NKX1-1: variants seen among roughly 807,000 people sequenced by gnomAD.
The protein encoded by NKX1-1 is NK1 homeobox 1, also known as NK1 transcription factor-related protein 1.
A neutral mutation model predicts 1.7 loss-of-function variants in NKX1-1; 7 were observed. The observed-to-expected ratio is 4.22, with a 90% CI of 2.40 to 7.92. NKX1-1 has a LOEUF of 7.92. Among genes scored for constraint, NKX1-1 ranks in the 30% most tolerant of loss-of-function variants. NKX1-1 has a pLI of 0.00. For missense variants in NKX1-1, 453 were observed against 171.5 expected (o/e 2.64, Z -9.17); for synonymous variants, 242 against 85.3 (o/e 2.84, Z -10.13).
chr4:1,405,594 A>AGGAG (rs985795339), intron 1 of NKX1-1, among the ~76,000 whole-genome samples: 2 of 129,160 alleles, frequency 1.5e-5, no homozygotes, highest in Non-Finnish European at 3.2e-5. Flanking sequence ...AGAGGGAGAA[A>AGGAG]GGAGGGAGGG....
intron 1 of NKX1-1, among the ~76,000 whole-genome samples, chr4:1,404,309 C>T (rs1167039691): frequency 6.6e-6 from 1 of 152,266 alleles, no homozygotes; most frequent in East Asian, 1.9e-4. Context: ...AGCCAATTGC[C>T]GGGCATTTAA....
Position 1,403,798 on chromosome 4 carries a change from T to G in NKX1-1, c.481A>C (p.Lys161Gln). 1 of 675,840 alleles carries G rather than the reference T, an allele frequency of 1.5e-6. No individual in the cohort carries two copies. The highest frequency in any genetic ancestry group is 1.5e-5 in the South Asian group (1 of 65,722). The allele number at this position is 675,840 out of a possible 1,614,324, so 41.9% of individuals were successfully genotyped here. ...AEPPNAGDPF[K>Q]AGEAETNDTN... ...TCGTTGGTCTCGGCCTCCCCTGCCT[T>G]GAAGGGGTCGCCGGCGTCTGCGGGA... The change falls in exon 2 of 2, where the codon AAG becomes CAG. Residue 161 changes from lysine to glutamine, a missense_variant. Transcript: ENST00000422806.
chr4:1,405,977 C>T lies in NKX1-1; in HGVS notation c.463+3G>A, dbSNP rs1320886289. 5 of 462,780 alleles carry T rather than the reference C, an allele frequency of 1.1e-5. No individual in the cohort carries two copies. The Admixed American group carries it at 1.3e-4, about 12-fold the overall frequency. The allele number at this position is 462,780 out of a possible 1,614,324, so 28.7% of individuals were successfully genotyped here. On this transcript the variant is annotated splice_donor_region_variant and intron_variant, in intron 1 of 1. Coordinates refer to ENST00000422806, the MANE Select transcript of NKX1-1 (RefSeq NM_001290079.1). ...GACCTGGTGCCGGGCGCATCCTACT[C>T]ACTCGGCGGCTCAGCTCCGGCGGCT...
In NKX1-1 at chr4:1,403,301, G is replaced by A. The variant is rs1408344643; in HGVS notation, c.978C>T (p.Arg326=). Residue 326 remains arginine, a synonymous_variant, in exon 2 of 2, where the codon CGC becomes CGT. Coordinates refer to ENST00000422806, the MANE Select transcript of NKX1-1 (RefSeq NM_001290079.1). ...KATRYLSVCE[R]LNLALSLSLT... Reference sequence around the variant, plus strand: ...GGCTGAGCGACAGCGCCAGGTTGAGGCGCTCGCACACCGACAGGTAGCGCG... The same window carrying A: ...GGCTGAGCGACAGCGCCAGGTTGAGACGCTCGCACACCGACAGGTAGCGCG... 1 of 711,788 alleles carries A rather than the reference G, an allele frequency of 1.4e-6. No individual in the cohort carries two copies. The highest frequency in any genetic ancestry group is 1.5e-5 in the South Asian group (1 of 66,400). 44.1% of individuals were successfully genotyped at this position (711,788 alleles called of 1,614,324 possible).
At chr4:1,403,918 G>A in intron 1 of NKX1-1, 103 bp from the exon 2 acceptor site, 1 of 476,966 alleles carries the variant, frequency 2.1e-6, no homozygotes. Flanking sequence ...GTTCCCTCCC[G>A]CCCCCTGCTC....
Sources: gnomAD v4.1 joint callset for allele counts (sites outside exome capture counted in the v4.1 genomes callset) on GRCh38, gnomAD v4.1.1 for gene constraint, MANE v1.5 for transcripts, NCBI Gene and HGNC (gene_info 2026-07-23, HGNC 2026-07-21) for gene names.